Variants in NRXN1 observed in about 807,000 individuals in gnomAD.
The protein encoded by NRXN1 is neurexin-1.
NRXN1 carries 39 observed loss-of-function variants against 150.9 expected under a neutral mutation model. That is an observed-to-expected ratio of 0.26 (90% CI 0.20 to 0.34). The LOEUF is 0.34. Among genes scored for constraint, NRXN1 ranks in the 10% least tolerant of loss-of-function variants. The pLI is 1.00. For missense variants in NRXN1, 1,815 were observed against 1,949.9 expected, an observed-to-expected ratio of 0.93 and a Z score of 1.30; for synonymous variants, 924 against 757.0, an observed-to-expected ratio of 1.22 and a Z score of -3.62.
At chr2:50,083,770 A>G (rs543701232) in intron 19 of NRXN1, among the ~76,000 whole-genome samples, 19 of 152,230 alleles carry the variant, frequency 1.2e-4, no homozygotes, top group Middle Eastern at 3.4e-3. Context: ...CCTGAGCTAG[A>G]CACAAACGTT....
At chr2:49,988,971 G>T (rs1681442895) in intron 21 of NRXN1, among the ~76,000 whole-genome samples, 1 of 152,190 alleles carries the variant, frequency 6.6e-6, no homozygotes, top group African/African-American at 2.4e-5. Context: ...TCATATGCAT[G>T]TACAGTGGGA....
intron 21 of NRXN1, among the ~76,000 whole-genome samples, chr2:50,026,193 G>T (rs1026323588): frequency 6.6e-6 from 1 of 152,098 alleles, no homozygotes. Context: ...TACAAGAGTA[G>T]AAAAAATCCA....
chr2:50,516,613 T>C (rs1328503622), intron 12 of NRXN1, among the ~76,000 whole-genome samples: 3 of 152,116 alleles, frequency 2.0e-5, no homozygotes, highest in Non-Finnish European at 4.4e-5. Flanking sequence ...CCAATAACCC[T>C]CAGAACCAGG....
At chr2:50,860,273 G>A (rs2106026057) in intron 5 of NRXN1, among the ~76,000 whole-genome samples, 1 of 151,762 alleles carries the variant, frequency 6.6e-6, no homozygotes, top group African/African-American at 2.4e-5. Flanking sequence ...AAAAAAAATT[G>A]TGAGGTATGT....
rs563092581 is a variant in NRXN1, at chr2:50,451,185, T to C, written c.3364+14257A>G. Among the ~76,000 whole-genome samples, 25 of 152,288 alleles carry C rather than the reference T, an allele frequency of 1.6e-4. No homozygotes were observed. The South Asian group carries it at 5.2e-3, about 32-fold the overall frequency. On this transcript the variant is annotated intron_variant, in intron 17 of 22. Coordinates refer to ENST00000401669, the MANE Select transcript of NRXN1 (RefSeq NM_001330078.2). ...GGCTTTGCCATGTTGACCAGGCTGG[T>C]CTGGAACTCCCAGGCTCAAGCGATC... is the stretch of plus-strand genomic sequence containing the variant.
intron 5 of NRXN1, among the ~76,000 whole-genome samples, chr2:50,647,349 C>T (rs1323484435): frequency 6.6e-6 from 1 of 151,882 alleles, no homozygotes; most frequent in Non-Finnish European, 1.5e-5. Context: ...AGAAAAATCC[C>T]TTAACCTTCC....
intron 9 of NRXN1, among the ~76,000 whole-genome samples, chr2:50,546,962 T>C (rs1444645796): frequency 6.6e-6 from 1 of 152,180 alleles, no homozygotes; most frequent in African/African-American, 2.4e-5. Flanking sequence ...GTTGCTCAAG[T>C]AGAAATGTTT....
rs561556945 is a variant in NRXN1, at chr2:50,070,614, C to CAAA, written c.3719-15573_3719-15571dup. Among the ~76,000 whole-genome samples, 24 of 151,614 alleles carry CAAA rather than the reference C, an allele frequency of 1.6e-4. No homozygotes were observed. In the South Asian group the frequency reaches 4.3e-3, roughly 27 times the overall value. Reference sequence around the variant, plus strand: ...TGAAACCCCGTCTCTACTAAAAATACAAAAAATTATCCGGGCGTAGTGGCG... The same window carrying CAAA: ...TGAAACCCCGTCTCTACTAAAAATACAAAAAAAAATTATCCGGGCGTAGTGGCG... On this transcript the variant is annotated intron_variant, in intron 19 of 22. Transcript: ENST00000401669.
intron 22 of NRXN1, among the ~76,000 whole-genome samples, chr2:49,942,614 T>TATTATTATTATTA (rs112672714): frequency 0.027 from 3,962 of 148,778 alleles, 94 homozygotes; most frequent in East Asian, 0.11. Context: ...TTATTATTAT[T>TATTATTATTATTA]TTATTATTAT....
At chr2:50,401,924 A>T (rs1162378528) in intron 17 of NRXN1, among the ~76,000 whole-genome samples, 3 of 151,940 alleles carry the variant, frequency 2.0e-5, no homozygotes, top group Non-Finnish European at 4.4e-5. Context: ...AGATTATTTT[A>T]CTCTTAGGGA....
chr2:50,957,395 A>G (rs1159779893), intron 2 of NRXN1, among the ~76,000 whole-genome samples: 1 of 152,136 alleles, frequency 6.6e-6, no homozygotes, highest in Non-Finnish European at 1.5e-5. Context: ...ACGCCCCATA[A>G]GGCATTTTTG....
At chr2:50,262,704 T>G (rs1408990056) in intron 17 of NRXN1, among the ~76,000 whole-genome samples, 2 of 151,952 alleles carry the variant, frequency 1.3e-5, no homozygotes, top group Non-Finnish European at 2.9e-5. Context: ...TGTGAAAATA[T>G]AAGGAAAAGT....
At chr2:49,963,482 G>A (rs1300693265) in intron 21 of NRXN1, among the ~76,000 whole-genome samples, 3 of 152,228 alleles carry the variant, frequency 2.0e-5, no homozygotes, top group Admixed American at 6.5e-5. Flanking sequence ...CGGTGGCAGA[G>A]TGTCTCTGTC....
chr2:50,778,758 T>C (rs1047840512), intron 5 of NRXN1, among the ~76,000 whole-genome samples: 4 of 152,212 alleles, frequency 2.6e-5, no homozygotes, highest in African/African-American at 4.8e-5. Flanking sequence ...AATGTGCATA[T>C]GTTTGTGCAA....
chr2:50,033,816 G>C (rs1035779585), intron 21 of NRXN1, among the ~76,000 whole-genome samples: 2 of 151,798 alleles, frequency 1.3e-5, no homozygotes, highest in African/African-American at 4.8e-5. Context: ...GTGGGCAAAA[G>C]GACATGAACA....
chr2:49,948,998 G>C (rs1052062517), intron 21 of NRXN1, among the ~76,000 whole-genome samples: 1 of 151,940 alleles, frequency 6.6e-6, no homozygotes, highest in African/African-American at 2.4e-5. Context: ...TCTTCTTGTT[G>C]AAAATGTGCA....
Position 50,053,339 on chromosome 2 carries a change from T to A in NRXN1, c.4060A>T (p.Thr1354Ser), listed in dbSNP as rs202006815. Residue 1354 changes from threonine to serine, a missense_variant, in exon 21 of 23, where the codon ACT becomes TCT. Physicochemically the swap from Thr to Ser is moderately conservative, Grantham distance 58 (BLOSUM62 1). Transcript: ENST00000401669. ...GTGCTAGTAGCCAGGGTCGTGGTAG[T>A]CTCCATAATTGATGTGGACATCTCT... is the stretch of plus-strand genomic sequence containing the variant. ...QSEMSTSIME[T>S]TTTLATSTAR... 7.4e-5 allele frequency: 119 copies of A among 1,614,024 alleles called. No individual in the cohort carries two copies. In the East Asian group the frequency reaches 2.5e-3, roughly 34 times the overall value.
chr2:50,526,380 G>T (rs1266134458), intron 12 of NRXN1, among the ~76,000 whole-genome samples: 1 of 152,148 alleles, frequency 6.6e-6, no homozygotes, highest in Non-Finnish European at 1.5e-5. Context: ...GGTGTTATCG[G>T]CTGTGATTTA....
At chr2:50,938,292 C>T (rs988501500) in intron 2 of NRXN1, among the ~76,000 whole-genome samples, 3 of 152,134 alleles carry the variant, frequency 2.0e-5, no homozygotes, top group Admixed American at 6.6e-5. Context: ...GCTATTATGT[C>T]ACTAGGCATT....
Sources: allele counts gnomAD v4.1 joint callset (sites outside exome capture counted in the v4.1 genomes callset), GRCh38; gene constraint gnomAD v4.1.1; transcripts MANE v1.5; gene names NCBI Gene and HGNC (gene_info 2026-07-23, HGNC 2026-07-21).